The following ZNF804B variants were observed in gnomAD, a reference collection of about 807,000 sequenced individuals.
ZNF804B encodes zinc finger 804B.
In ZNF804B, 80 loss-of-function variants were observed where a neutral mutation model predicts 101.4. That is an observed-to-expected ratio of 0.79 (90% CI 0.66 to 0.95). The LOEUF (loss-of-function observed/expected upper bound fraction) is 0.95. Ranked by LOEUF, ZNF804B falls within the 40% of genes least tolerant of loss-of-function variation. ZNF804B has a pLI of 0.00. For synonymous variants in ZNF804B, 622 were observed against 558.8 expected (o/e 1.11, Z -1.59); for missense variants, 1,673 against 1,561.9 (o/e 1.07, Z -1.20).
chr7:89,330,358 G>C (rs1258916256), intron 3 of ZNF804B, among the ~76,000 whole-genome samples: 1 of 151,592 alleles, frequency 6.6e-6, no homozygotes, highest in Non-Finnish European at 1.5e-5. Flanking sequence ...AATTTGCCAA[G>C]AGAGTGAATC....
intron 1 of ZNF804B, among the ~76,000 whole-genome samples, chr7:89,088,913 A>G (rs1385460374): frequency 6.6e-6 from 1 of 151,974 alleles, no homozygotes; most frequent in Non-Finnish European, 1.5e-5. Context: ...TCGTCCTGCT[A>G]CAGAACCATG....
chr7:89,131,489 G>A (rs903596298), intron 1 of ZNF804B, among the ~76,000 whole-genome samples: 2 of 151,912 alleles, frequency 1.3e-5, no homozygotes, highest in East Asian at 1.9e-4. Context: ...TTGGTTGAAA[G>A]GTAGATAGAC....
At chr7:88,765,475 G>C (rs1029610864) in intron 1 of ZNF804B, among the ~76,000 whole-genome samples, 3 of 152,148 alleles carry the variant, frequency 2.0e-5, no homozygotes, top group African/African-American at 7.2e-5. Context: ...TGAAATGCCA[G>C]TTGGTTTTAG....
intron 1 of ZNF804B, among the ~76,000 whole-genome samples, chr7:88,939,159 C>A (rs1042045062): frequency 5.9e-5 from 9 of 151,758 alleles, no homozygotes; most frequent in East Asian, 1.9e-4. Flanking sequence ...TTTTCAGGAA[C>A]CCCCCTGGGA....
In ZNF804B at chr7:89,335,079, C is replaced by T; in HGVS notation, c.2097C>T (p.Tyr699=). ...GTGGAAACCAAAGATACAAGAGATA[C>T]TCTCCACAGTCATGTTTGAGTAGAT... ...SGCGNQRYKR[Y]SPQSCLSRYS... is the part of the protein sequence containing the mutation. Residue 699 remains tyrosine, a synonymous_variant, in exon 4 of 4, where the codon TAC becomes TAT. Transcript: ENST00000333190. 2 of 1,613,832 alleles carry T rather than the reference C, an allele frequency of 1.2e-6. No homozygotes were observed. The highest frequency in any genetic ancestry group is 2.2e-5 in the South Asian group (2 of 91,080).
intron 1 of ZNF804B, among the ~76,000 whole-genome samples, chr7:89,133,509 G>T (rs1450872679): frequency 6.6e-6 from 1 of 151,982 alleles, no homozygotes; most frequent in African/African-American, 2.4e-5. Context: ...ATCTACCATT[G>T]CCTTCATGAG....
chr7:89,305,170 C>A (rs1435705212), intron 2 of ZNF804B, among the ~76,000 whole-genome samples: 1 of 151,826 alleles, frequency 6.6e-6, no homozygotes. Flanking sequence ...TTTTAATGTG[C>A]CTTGTACATA....
At position 89,336,800 on chromosome 7, in the gene ZNF804B, C is replaced by G. The variant is rs567180757; in HGVS notation, c.3818C>G (p.Ala1273Gly). The G allele has an allele frequency of 1.2e-5, 19 of 1,614,070 alleles. 1 individual carries two copies. The Admixed American group carries it at 2.0e-4, about 17-fold the overall frequency. The change falls in exon 4 of 4, where the codon GCT (alanine) becomes GGT (glycine). Residue 1273 changes from alanine (A) to glycine (G), a missense_variant. Coordinates refer to ENST00000333190, the MANE Select transcript of ZNF804B (RefSeq NM_181646.5). ...LAGHPLHLVA[A>G]TPFHPSHITL... is the part of the protein sequence containing the mutation. ...GGTCATCCCCTGCATTTAGTAGCTG[C>G]TACCCCCTTCCACCCATCTCACATA...
intron 2 of ZNF804B, among the ~76,000 whole-genome samples, chr7:89,262,888 G>A (rs530735161): frequency 3.3e-5 from 5 of 152,102 alleles, no homozygotes; most frequent in South Asian, 2.1e-4. Context: ...GACATTTTAC[G>A]AAACACACTT....
At chr7:89,102,003 C>T (rs1277504784) in intron 1 of ZNF804B, among the ~76,000 whole-genome samples, 1 of 151,884 alleles carries the variant, frequency 6.6e-6, no homozygotes, top group Non-Finnish European at 1.5e-5. Flanking sequence ...AGGATAATGG[C>T]CTCCAGCTCC....
intron 1 of ZNF804B, among the ~76,000 whole-genome samples, chr7:89,096,696 TTGTC>T (rs1789977031): frequency 6.6e-6 from 1 of 152,218 alleles, no homozygotes; most frequent in Non-Finnish European, 1.5e-5. Context: ...AATCATTAGA[TTGTC>T]TAACTCATTG....
chr7:89,318,157 C>A (rs1790761701), intron 2 of ZNF804B, among the ~76,000 whole-genome samples: 1 of 152,120 alleles, frequency 6.6e-6, no homozygotes, highest in Non-Finnish European at 1.5e-5. Flanking sequence ...TAAATTATTT[C>A]TCTTGTAATT....
At chr7:88,762,830 C>T (rs1205468670) in intron 1 of ZNF804B, among the ~76,000 whole-genome samples, 1 of 151,986 alleles carries the variant, frequency 6.6e-6, no homozygotes, top group Non-Finnish European at 1.5e-5. Flanking sequence ...ACTTAACTAA[C>T]TTTCACTAAG....
At chr7:89,127,976 A>G (rs1790497932) in intron 1 of ZNF804B, among the ~76,000 whole-genome samples, 1 of 151,812 alleles carries the variant, frequency 6.6e-6, no homozygotes, top group African/African-American at 2.4e-5. Context: ...AAAATGAAAT[A>G]ATACTGTGCA....
chr7:89,332,920 T>A (rs1489153481), intron 3 of ZNF804B, among the ~76,000 whole-genome samples: 2 of 151,794 alleles, frequency 1.3e-5, no homozygotes, highest in Non-Finnish European at 2.9e-5. Context: ...CATTATAAAA[T>A]GTTAGAAATA....
At chr7:89,119,685 T>C (rs1242279626) in intron 1 of ZNF804B, among the ~76,000 whole-genome samples, 1 of 152,172 alleles carries the variant, frequency 6.6e-6, no homozygotes, top group African/African-American at 2.4e-5. Flanking sequence ...GAATTCAAAA[T>C]TAGAATGAGG....
At chr7:89,189,659 T>C (rs1281263560) in intron 1 of ZNF804B, among the ~76,000 whole-genome samples, 1 of 152,148 alleles carries the variant, frequency 6.6e-6, no homozygotes, top group Non-Finnish European at 1.5e-5. Context: ...TTACAGCTAT[T>C]TGTGGTGACA....
rs765322022 is a variant in ZNF804B at position 89,335,129 on chromosome 7, C to G, written c.2147C>G (p.Pro716Arg). The change falls in exon 4 of 4, where the codon CCT becomes CGT. Residue 716 changes from proline (P) to arginine (R), a missense_variant. Pro to Arg is a moderately radical substitution (Grantham distance 103, BLOSUM62 -2). Coordinates refer to ENST00000333190, the MANE Select transcript of ZNF804B (RefSeq NM_181646.5). Reference sequence around the variant, plus strand: ...TATTCTTCCTCTTTGGACACATCCCCTAGCAGCATGTCTAGCTTGAGAAGT... The same window carrying G: ...TATTCTTCCTCTTTGGACACATCCCGTAGCAGCATGTCTAGCTTGAGAAGT... The part of the protein sequence containing the change: ...SRYSSSLDTS[P>R]SSMSSLRSTC... The G allele has an allele frequency of 6.2e-7, 1 of 1,613,852 alleles. No homozygotes were observed. Among genetic ancestry groups the G allele is most frequent in the South Asian group, 1.1e-5 (1 of 91,074 alleles).
intron 1 of ZNF804B, among the ~76,000 whole-genome samples, chr7:88,778,964 T>C (rs934384864): frequency 1.3e-5 from 2 of 152,192 alleles, no homozygotes; most frequent in African/African-American, 2.4e-5. Flanking sequence ...TTTTCAAAAA[T>C]TGGGGTTTTA....
Sources: gnomAD v4.1 joint callset for allele counts (sites outside exome capture counted in the v4.1 genomes callset) on GRCh38, gnomAD v4.1.1 for gene constraint, MANE v1.5 for transcripts, NCBI Gene and HGNC (gene_info 2026-07-23, HGNC 2026-07-21) for gene names.